TENM2: variants seen among roughly 807,000 people sequenced by gnomAD.
TENM2 encodes the protein teneurin-2.
A neutral mutation model predicts 245.2 loss-of-function variants in TENM2; 52 were observed. The ratio of observed to expected loss-of-function variants is 0.21; its 90% CI spans 0.17 to 0.27. The LOEUF is 0.27. TENM2 is among the 10% of genes least tolerant of loss of function. The pLI is 1.00. For synonymous variants in TENM2, 1,363 were observed against 1,438.9 expected (o/e 0.95, Z 1.19); for missense variants, 3,046 against 3,666.8 (o/e 0.83, Z 4.37).
chr5:167,924,387 C>T (rs560150950), intron 3 of TENM2, among the ~76,000 whole-genome samples: 14 of 152,306 alleles, frequency 9.2e-5, no homozygotes, highest in African/African-American at 1.4e-4. Context: ...ATGGGCCAAA[C>T]GTTGTTTTTC....
intron 27 of TENM2, among the ~76,000 whole-genome samples, chr5:168,248,955 C>T (rs1278719450): frequency 6.6e-6 from 1 of 152,052 alleles, no homozygotes; most frequent in African/African-American, 2.4e-5. Context: ...ACCATCTCTA[C>T]TAAAAATACA....
At chr5:167,450,733 A>G (rs985084955) in intron 2 of TENM2, among the ~76,000 whole-genome samples, 8 of 152,182 alleles carry the variant, frequency 5.3e-5, no homozygotes, top group African/African-American at 1.9e-4. Context: ...GGTTTAAATC[A>G]GCATGTATGT....
chr5:167,045,964 G>T, the TENM2 span, among the ~76,000 whole-genome samples: 1 of 152,174 alleles, frequency 6.6e-6, no homozygotes, highest in Non-Finnish European at 1.5e-5. Flanking sequence ...CATTTTCTCT[G>T]ATTAGTTTCT....
chr5:168,249,132 A>G (rs1018304606), intron 27 of TENM2, among the ~76,000 whole-genome samples: 1 of 152,044 alleles, frequency 6.6e-6, no homozygotes, highest in African/African-American at 2.4e-5. Context: ...TCAAAAAAAA[A>G]AAAAAAAAGT....
At chr5:167,900,848 T>A (rs568457328) in intron 3 of TENM2, among the ~76,000 whole-genome samples, 1 of 150,122 alleles carries the variant, frequency 6.7e-6, no homozygotes, top group Non-Finnish European at 1.5e-5. Flanking sequence ...TGAGGTGGGA[T>A]TGAGGCCTTG....
intron 2 of TENM2, among the ~76,000 whole-genome samples, chr5:167,468,290 A>G (rs1175713689): frequency 6.6e-6 from 1 of 152,244 alleles, no homozygotes; most frequent in Non-Finnish European, 1.5e-5. Flanking sequence ...GAGCACAAAC[A>G]GAACTTCTAG....
exon 2 of TENM2, chr5:167,375,473 G>C: frequency 1.3e-6 from 2 of 1,551,478 alleles, no homozygotes; most frequent in Non-Finnish European, 1.7e-6. Context: ...TGATGAGAAC[G>C]GTAGGCCTGC....
chr5:167,013,001 T>C, the TENM2 span, among the ~76,000 whole-genome samples: 1 of 152,160 alleles, frequency 6.6e-6, no homozygotes, highest in African/African-American at 2.4e-5. Context: ...AATATAGTAG[T>C]ACAAGGTGAA....
At chr5:167,261,326 A>G in the TENM2 span, among the ~76,000 whole-genome samples, 1 of 152,088 alleles carries the variant, frequency 6.6e-6, no homozygotes, top group African/African-American at 2.4e-5. Context: ...TTCATTTCTT[A>G]ACCTCTTACA....
chr5:167,043,977 G>A, the TENM2 span, among the ~76,000 whole-genome samples: 40 of 150,996 alleles, frequency 2.6e-4, no homozygotes, highest in Non-Finnish European at 2.5e-4. Flanking sequence ...CCGAGATCGC[G>A]CCACTGCACT....
intron 2 of TENM2, among the ~76,000 whole-genome samples, chr5:167,618,961 C>T (rs1166567438): frequency 6.6e-6 from 1 of 152,000 alleles, no homozygotes. Flanking sequence ...GTAGTGAGTA[C>T]CCCCTTTTAG....
At chr5:168,206,899 G>A (rs1182306591) in intron 19 of TENM2, among the ~76,000 whole-genome samples, 1 of 152,088 alleles carries the variant, frequency 6.6e-6, no homozygotes, top group Non-Finnish European at 1.5e-5. Flanking sequence ...TTCCTGCTCA[G>A]AGGCTAATCA....
the TENM2 span, among the ~76,000 whole-genome samples, chr5:167,016,983 T>C: frequency 6.6e-6 from 1 of 152,232 alleles, no homozygotes; most frequent in Non-Finnish European, 1.5e-5. Flanking sequence ...TGCCAATTTC[T>C]GAGCCAATCC....
intron 2 of TENM2, among the ~76,000 whole-genome samples, chr5:167,712,252 G>T (rs1006622591): frequency 3.3e-5 from 5 of 152,152 alleles, no homozygotes; most frequent in Non-Finnish European, 7.3e-5. Flanking sequence ...CTCTACAAAT[G>T]AGGTATTTTA....
chr5:167,755,050 G>A (rs1862875), intron 2 of TENM2: 1,334,753 of 1,595,882 alleles, frequency 0.84, 566,559 homozygotes, highest in East Asian at 1. Flanking sequence ...CCCAGCTTAC[G>A]CCGATGGTGA....
At chr5:167,894,104 G>A (rs1470614140) in intron 3 of TENM2, among the ~76,000 whole-genome samples, 1 of 152,166 alleles carries the variant, frequency 6.6e-6, no homozygotes, top group African/African-American at 2.4e-5. Flanking sequence ...AATTCCTTGA[G>A]GGCAGAAGCT....
chr5:168,069,568 G>A lies in TENM2; in HGVS notation c.1515+7303G>A, dbSNP rs77590701. ...TGAGGGCCACAATGTAACAGGGACT[G>A]ATTGTTCCATGTGCATTATCTTGTT... On this transcript the variant is annotated intron_variant, in intron 7 of 28. Transcript: ENST00000518659. Among the ~76,000 whole-genome samples, 18 of 152,310 alleles carry A rather than the reference G, an allele frequency of 1.2e-4. No homozygotes were observed. The East Asian group carries it at 3.5e-3, about 29-fold the overall frequency.
At position 167,434,394 on chromosome 5, in the gene TENM2, C is replaced by G. The variant is rs1582035159; in HGVS notation, c.502+58921C>G. 4.5e-5 allele frequency among the ~76,000 whole-genome samples: 4 copies of G among 88,660 alleles called. No individual in the cohort carries two copies. In the Admixed American group the frequency reaches 7.9e-4, roughly 17 times the overall value. 58.2% of individuals were successfully genotyped at this position (88,660 alleles called of 152,430 possible). On this transcript the variant is annotated intron_variant, in intron 2 of 28. Transcript: ENST00000518659. ...TGCTGCTGCGCTCCAGCCTGGGCAA[C>G]AGTGAAAGACTCTATCTCAAAAAAA...
chr5:168,047,448 A>G lies in TENM2; in HGVS notation c.1208A>G (p.Asn403Ser), dbSNP rs996280345. The G allele has an allele frequency of 9.0e-6, 14 of 1,551,610 alleles. No homozygotes were observed. In the Admixed American group the frequency reaches 1.4e-4, roughly 15 times the overall value. Residue 403 changes from asparagine to serine, a missense_variant, in exon 6 of 29, where the codon AAT becomes AGT. Asn to Ser is a conservative substitution (Grantham distance 46, BLOSUM62 1). This residue lies in a region of TENM2 where 2,704 missense variants were observed against 3,331.9 expected (regional missense o/e 0.81). Coordinates refer to ENST00000518659, the Ensembl canonical transcript of TENM2. Reference sequence around the variant, plus strand: ...GCAGCAATGCATCTGCTCGGACTCAATTGGCAACTCCAGCCTGCAGATGGG... The same window carrying G: ...GCAGCAATGCATCTGCTCGGACTCAGTTGGCAACTCCAGCCTGCAGATGGG...
Sources: allele counts gnomAD v4.1 joint callset (sites outside exome capture counted in the v4.1 genomes callset), GRCh38; gene constraint gnomAD v4.1.1; regional missense constraint gnomAD v4.1.1; transcripts MANE v1.5; gene names NCBI Gene and HGNC (gene_info 2026-07-23, HGNC 2026-07-21).